The following CAPS2 variants were observed in gnomAD, a reference collection of about 807,000 sequenced individuals.
CAPS2 encodes the protein calcyphosine 2, also known as calcyphosin-2.
In CAPS2, 98 loss-of-function variants were observed where a neutral mutation model predicts 86.5. The ratio of observed to expected loss-of-function variants is 1.13; its 90% CI spans 0.96 to 1.34. CAPS2 has a LOEUF of 1.34. Among genes scored for constraint, CAPS2 ranks in the 40% most tolerant of loss-of-function variants. The pLI, the probability that CAPS2 is intolerant of heterozygous loss-of-function variation, is 0.00. For synonymous variants in CAPS2, 210 were observed against 225.1 expected, an observed-to-expected ratio of 0.93 and a Z score of 0.60; for missense variants, 729 against 686.8, an observed-to-expected ratio of 1.06 and a Z score of -0.69.
intron 13 of CAPS2, among the ~76,000 whole-genome samples, chr12:75,291,358 G>T (rs2035816916): frequency 6.7e-6 from 1 of 150,016 alleles, no homozygotes; most frequent in Non-Finnish European, 1.5e-5. Flanking sequence ...TTCAGTTTAT[G>T]AGTAAAACCC....
In CAPS2 at chr12:75,322,130, A is replaced by C. The variant is rs546277692; in HGVS notation, c.292-554T>G. Among the ~76,000 whole-genome samples, 22 of 152,284 alleles carry C rather than the reference A, an allele frequency of 1.4e-4. No homozygotes were observed. The South Asian group carries it at 4.6e-3, about 32-fold the overall frequency. On this transcript the variant is annotated intron_variant, in intron 4 of 16. Coordinates refer to ENST00000393284, the Ensembl canonical transcript of CAPS2. ...GAAATAAAAGTTTTACTTAAAAAAT[A>C]TTTTGAACCATTTTGCTGCCACTCA...
intron 1 of CAPS2, among the ~76,000 whole-genome samples, chr12:75,366,261 C>G (rs895514751): frequency 6.6e-6 from 1 of 152,010 alleles, no homozygotes; most frequent in African/African-American, 2.4e-5. Context: ...TATTTCAGAA[C>G]TTAAGCCATA....
chr12:75,362,209 T>C (rs1329577360), intron 1 of CAPS2, among the ~76,000 whole-genome samples: 1 of 152,060 alleles, frequency 6.6e-6, no homozygotes, highest in Non-Finnish European at 1.5e-5. Context: ...CAATTTTAAT[T>C]TTTTTTAAAT....
At chr12:75,365,843 C>A (rs2043928302) in intron 1 of CAPS2, among the ~76,000 whole-genome samples, 1 of 152,062 alleles carries the variant, frequency 6.6e-6, no homozygotes, top group Non-Finnish European at 1.5e-5. Flanking sequence ...ACCAATAATT[C>A]AGTATGTAGC....
intron 1 of CAPS2, chr12:75,347,567 T>C (rs1426525976): frequency 1.9e-6 from 2 of 1,078,760 alleles, no homozygotes; most frequent in Non-Finnish European, 2.8e-6. Flanking sequence ...TCTAAATGCA[T>C]TGTTTGCATA....
chr12:75,323,700 G>A (rs955489080), intron 2 of CAPS2, among the ~76,000 whole-genome samples: 14 of 152,190 alleles, frequency 9.2e-5, no homozygotes, highest in African/African-American at 2.7e-4. Context: ...CCGAGATTGC[G>A]CCATTGCACT....
At chr12:75,348,404 C>A (rs1047037153) in intron 1 of CAPS2, among the ~76,000 whole-genome samples, 26 of 152,178 alleles carry the variant, frequency 1.7e-4, no homozygotes, top group African/African-American at 6.3e-4. Context: ...GTGTATATAT[C>A]TCTCTGTATT....
intron 1 of CAPS2, among the ~76,000 whole-genome samples, chr12:75,338,921 G>T (rs2041917607): frequency 6.6e-6 from 1 of 152,186 alleles, no homozygotes; most frequent in Non-Finnish European, 1.5e-5. Flanking sequence ...TCCCTGCAAA[G>T]GACTTGATCT....
chr12:75,355,256 C>A (rs1359066181), intron 1 of CAPS2, among the ~76,000 whole-genome samples: 1 of 152,116 alleles, frequency 6.6e-6, no homozygotes, highest in Non-Finnish European at 1.5e-5. Flanking sequence ...TATCCAGAAT[C>A]TACAAGGAAC....
chr12:75,304,521 C>CT (rs1186218357), intron 8 of CAPS2, among the ~76,000 whole-genome samples: 2 of 152,000 alleles, frequency 1.3e-5, no homozygotes, highest in South Asian at 2.1e-4. Flanking sequence ...AAGGTTGTGG[C>CT]TTTTTTTCCC....
chr12:75,358,025 A>G (rs1243833686), intron 1 of CAPS2, among the ~76,000 whole-genome samples: 1 of 151,632 alleles, frequency 6.6e-6, no homozygotes, highest in African/African-American at 2.4e-5. Flanking sequence ...TAAAATAACA[A>G]ACAGAAAAAC....
chr12:75,311,699 G>GAAA (rs764314438), intron 7 of CAPS2, among the ~76,000 whole-genome samples: 14 of 17,020 alleles, frequency 8.2e-4, no homozygotes, highest in South Asian at 3.7e-3. Flanking sequence ...AAGCCATGCA[G>GAAA]GAAAAAAAAA....
intron 7 of CAPS2, chr12:75,305,724 G>C: frequency 1.5e-6 from 1 of 683,358 alleles, no homozygotes; most frequent in Non-Finnish European, 2.8e-6. Flanking sequence ...GAGCTCGTGT[G>C]GTACATGCGG....
chr12:75,365,603 T>A (rs1254286347), intron 1 of CAPS2, among the ~76,000 whole-genome samples: 1 of 152,164 alleles, frequency 6.6e-6, no homozygotes, highest in African/African-American at 2.4e-5. Context: ...AGAGAGTTAA[T>A]GAATATACAT....
At chr12:75,323,736 T>A (rs958768326) in intron 2 of CAPS2, among the ~76,000 whole-genome samples, 3 of 151,950 alleles carry the variant, frequency 2.0e-5, no homozygotes, top group Non-Finnish European at 4.4e-5. Context: ...AGAGTGAAAC[T>A]CTGTCTCAAA....
intron 1 of CAPS2, among the ~76,000 whole-genome samples, chr12:75,385,922 C>A (rs900281708): frequency 2.0e-5 from 3 of 151,992 alleles, no homozygotes; most frequent in African/African-American, 7.3e-5. Context: ...AGGAACACTA[C>A]AAAAGTATGA....
At position 75,311,720 on chromosome 12, in the gene CAPS2, A is replaced by C. The variant is rs1364302517; in HGVS notation, c.659+1128T>G. The stretch of plus-strand genomic sequence containing the variant: ...TGCAGGAAAAAAAAAAACAAAAAAA[A>C]AAACAAAAAAAAAAAAAAAAACCTG... On this transcript the variant is annotated intron_variant, in intron 7 of 16. Transcript: ENST00000393284. Among the ~76,000 whole-genome samples the C allele has an allele frequency of 9.7e-3, 166 of 17,190 alleles. 2 individuals carry two copies. The highest frequency in any genetic ancestry group is 0.028 in the African/African-American group (159 of 5,668). 11.3% of individuals were successfully genotyped at this position (17,190 alleles called of 152,430 possible).
chr12:75,373,239 G>T (rs1249604632), intron 1 of CAPS2, among the ~76,000 whole-genome samples: 1 of 152,158 alleles, frequency 6.6e-6, no homozygotes, highest in Non-Finnish European at 1.5e-5. Context: ...GAGCCCATTG[G>T]GTGATGACAG....
downstream of CAPS2, chr12:75,276,212 T>G: frequency 6.5e-7 from 1 of 1,543,468 alleles, no homozygotes. Flanking sequence ...GCTTTCTTTT[T>G]TTTAAGCATT....
Sources: allele counts gnomAD v4.1 joint callset (sites outside exome capture counted in the v4.1 genomes callset), GRCh38; gene constraint gnomAD v4.1.1; transcripts MANE v1.5; gene names NCBI Gene and HGNC (gene_info 2026-07-23, HGNC 2026-07-21).